The following DPP10 variants were observed in gnomAD, a reference collection of about 807,000 sequenced individuals.
DPP10 encodes the protein dipeptidyl peptidase like 10, also known as inactive dipeptidyl peptidase 10.
In DPP10, 33 loss-of-function variants were observed where a neutral mutation model predicts 120.9. The ratio of observed to expected loss-of-function variants is 0.27; its 90% CI spans 0.21 to 0.37. The LOEUF (loss-of-function observed/expected upper bound fraction) is 0.37, where lower values mean the gene tolerates loss of function less well. Among genes scored for constraint, DPP10 ranks in the 10% least tolerant of loss-of-function variants. The pLI is 1.00. For missense variants in DPP10, 816 were observed against 942.8 expected, an observed-to-expected ratio of 0.87 and a Z score of 1.76; for synonymous variants, 337 against 326.1, an observed-to-expected ratio of 1.03 and a Z score of -0.36.
chr2:115,159,648 T>C (rs1321309783), intron 1 of DPP10, among the ~76,000 whole-genome samples: 1 of 152,164 alleles, frequency 6.6e-6, no homozygotes, highest in African/African-American at 2.4e-5. Flanking sequence ...AAAATGTTCT[T>C]AGCTTGACAA....
intron 5 of DPP10, among the ~76,000 whole-genome samples, chr2:115,550,002 A>G (rs2079775902): frequency 6.6e-6 from 1 of 152,112 alleles, no homozygotes; most frequent in African/African-American, 2.4e-5. Flanking sequence ...GCTTCTCAGA[A>G]TATACAAATC....
chr2:115,307,505 GTATT>G (rs1285865321), intron 1 of DPP10, among the ~76,000 whole-genome samples: 2 of 152,112 alleles, frequency 1.3e-5, no homozygotes, highest in Admixed American at 6.6e-5. Context: ...AAATAGGAAA[GTATT>G]TATGGTTCTT....
At chr2:115,672,680 C>CTCTTTCTTCCTTTCTT (rs2089983901) in intron 5 of DPP10, among the ~76,000 whole-genome samples, 1 of 113,264 alleles carries the variant, frequency 8.8e-6, no homozygotes, top group Non-Finnish European at 1.8e-5. Context: ...CTCTTTCTTT[C>CTCTTTCTTCCTTTCTT]TCTTTCTTTC....
chr2:114,852,816 T>G (rs1340455831), intron 1 of DPP10, among the ~76,000 whole-genome samples: 1 of 152,216 alleles, frequency 6.6e-6, no homozygotes, highest in Non-Finnish European at 1.5e-5. Flanking sequence ...CATATTTATT[T>G]AATTTATTGA....
chr2:115,682,344 A>C (rs961766465), intron 5 of DPP10, among the ~76,000 whole-genome samples: 7 of 151,912 alleles, frequency 4.6e-5, no homozygotes, highest in African/African-American at 1.7e-4. Flanking sequence ...TTGTATTACA[A>C]ACAGTGGCAT....
At chr2:115,546,407 C>A (rs2079503699) in intron 5 of DPP10, among the ~76,000 whole-genome samples, 1 of 152,096 alleles carries the variant, frequency 6.6e-6, no homozygotes, top group South Asian at 2.1e-4. Flanking sequence ...CTGGAGAAAT[C>A]AAAACCTATA....
intron 1 of DPP10, among the ~76,000 whole-genome samples, chr2:114,732,471 T>C (rs887390604): frequency 2.6e-5 from 4 of 152,078 alleles, no homozygotes; most frequent in South Asian, 2.1e-4. Flanking sequence ...TGTGTGGGGA[T>C]TGGGGGAGAG....
At chr2:115,155,211 C>A (rs2051827876) in intron 1 of DPP10, among the ~76,000 whole-genome samples, 3 of 152,142 alleles carry the variant, frequency 2.0e-5, no homozygotes, top group Admixed American at 6.5e-5. Flanking sequence ...ACCACAGTTA[C>A]ATTTGCACCA....
At chr2:114,671,609 C>A (rs1698346097) in intron 1 of DPP10, among the ~76,000 whole-genome samples, 1 of 152,070 alleles carries the variant, frequency 6.6e-6, no homozygotes, top group South Asian at 2.1e-4. Flanking sequence ...ATCATGGTGC[C>A]AAGCATCCAC....
chr2:114,813,118 G>A (rs1327978726), intron 1 of DPP10, among the ~76,000 whole-genome samples: 1 of 152,120 alleles, frequency 6.6e-6, no homozygotes, highest in African/African-American at 2.4e-5. Flanking sequence ...AATTCAAATG[G>A]TCTGGATACT....
Position 115,838,515 on chromosome 2 carries a change from G to C in DPP10, c.2182+1769G>C, listed in dbSNP as rs527945284. Among the ~76,000 whole-genome samples the C allele has an allele frequency of 4.6e-5, 7 of 152,242 alleles. No homozygotes were observed. In the East Asian group the frequency reaches 1.4e-3, roughly 29 times the overall value. ...GGAAGGAGATTTGAATCCATGTATT[G>C]AGCCTTTTATTCACTGTGCCCTGAA... On this transcript the variant is annotated intron_variant, in intron 24 of 25. Coordinates refer to ENST00000410059, the MANE Select transcript of DPP10 (RefSeq NM_020868.6).
At chr2:115,138,315 A>G (rs1450945844) in intron 1 of DPP10, among the ~76,000 whole-genome samples, 1 of 152,150 alleles carries the variant, frequency 6.6e-6, no homozygotes, top group Non-Finnish European at 1.5e-5. Context: ...GTGCTGATGA[A>G]GAAATGAGAA....
intron 1 of DPP10, among the ~76,000 whole-genome samples, chr2:114,805,394 G>A (rs557490323): frequency 6.6e-6 from 1 of 152,256 alleles, no homozygotes; most frequent in South Asian, 2.1e-4. Flanking sequence ...TGTGCTGAAA[G>A]GTCCCAGAGC....
At chr2:115,165,233 C>T (rs543317219) in intron 1 of DPP10, among the ~76,000 whole-genome samples, 20 of 152,204 alleles carry the variant, frequency 1.3e-4, no homozygotes, top group Non-Finnish European at 2.6e-4. Context: ...ATTCTCAAAG[C>T]AGTTTTTTGA....
intron 1 of DPP10, among the ~76,000 whole-genome samples, chr2:115,031,502 T>A (rs1163038813): frequency 6.6e-6 from 1 of 152,146 alleles, no homozygotes; most frequent in Non-Finnish European, 1.5e-5. Context: ...CCTAGATCAT[T>A]GAATCACTGC....
intron 1 of DPP10, among the ~76,000 whole-genome samples, chr2:115,095,574 G>GTTTTTTTTTTT (rs924847937): frequency 7.3e-6 from 1 of 137,722 alleles, no homozygotes; most frequent in Non-Finnish European, 1.6e-5. Flanking sequence ...ATTCTGTTTG[G>GTTTTTTTTTTT]TTTTTTTTTT....
chr2:114,460,935 G>A (rs1678876068), intron 1 of DPP10, among the ~76,000 whole-genome samples: 1 of 152,128 alleles, frequency 6.6e-6, no homozygotes, highest in Non-Finnish European at 1.5e-5. Context: ...CCACATTCAT[G>A]GCAAATGTGA....
chr2:115,094,599 C>A (rs917160470), intron 1 of DPP10, among the ~76,000 whole-genome samples: 1 of 152,082 alleles, frequency 6.6e-6, no homozygotes, highest in African/African-American at 2.4e-5. Context: ...ATTCCCTGGA[C>A]CTAAAATAAT....
intron 1 of DPP10, among the ~76,000 whole-genome samples, chr2:115,136,357 T>C (rs1360742187): frequency 6.6e-6 from 1 of 152,126 alleles, no homozygotes; most frequent in African/African-American, 2.4e-5. Flanking sequence ...GATGTGGATG[T>C]CCTATGAAAA....
Sources: allele counts gnomAD v4.1 joint callset (sites outside exome capture counted in the v4.1 genomes callset), GRCh38; gene constraint gnomAD v4.1.1; transcripts MANE v1.5; gene names NCBI Gene and HGNC (gene_info 2026-07-23, HGNC 2026-07-21).